PDE1C: variants seen among roughly 807,000 people sequenced by gnomAD.
The protein encoded by PDE1C is phosphodiesterase 1C, also known as dual specificity calcium/calmodulin-dependent 3',5'-cyclic nucleotide phosphodiesterase 1C.
PDE1C carries 62 observed loss-of-function variants against 93.1 expected under a neutral mutation model. The observed-to-expected ratio is 0.67, with a 90% confidence interval of 0.54 to 0.82. The LOEUF (loss-of-function observed/expected upper bound fraction) is 0.82, where lower values mean the gene tolerates loss of function less well. Among genes scored for constraint, PDE1C ranks in the 40% least tolerant of loss-of-function variants. The pLI is 0.00. For missense variants in PDE1C, 742 were observed against 884.6 expected (o/e 0.84, Z 2.04); for synonymous variants, 325 against 310.1 (o/e 1.05, Z -0.50).
chr7:32,007,121 C>A (rs560809597), intron 2 of PDE1C, among the ~76,000 whole-genome samples: 2 of 152,270 alleles, frequency 1.3e-5, no homozygotes, highest in South Asian at 4.1e-4. Flanking sequence ...CCATCAGCAA[C>A]CTATTTTTTA....
chr7:31,750,907 C>A (rs1562735042), downstream of PDE1C, among the ~76,000 whole-genome samples: 2 of 152,124 alleles, frequency 1.3e-5, no homozygotes, highest in African/African-American at 4.8e-5. Context: ...ATAGCTTGGT[C>A]TGGAATGATA....
At chr7:32,211,682 G>A (rs150566169) in intron 1 of PDE1C, among the ~76,000 whole-genome samples, 147 of 152,156 alleles carry the variant, frequency 9.7e-4, no homozygotes, top group African/African-American at 3.3e-3. Context: ...ATGGCCTTGA[G>A]TTCAACTTAT....
intron 1 of PDE1C, among the ~76,000 whole-genome samples, chr7:32,402,883 T>C (rs1156310774): frequency 6.6e-6 from 1 of 152,224 alleles, no homozygotes; most frequent in Non-Finnish European, 1.5e-5. Flanking sequence ...AAGTTCATTA[T>C]GTTGGGCCCT....
At chr7:32,175,592 A>G (rs1802931803) in intron 2 of PDE1C, among the ~76,000 whole-genome samples, 1 of 152,186 alleles carries the variant, frequency 6.6e-6, no homozygotes, top group African/African-American at 2.4e-5. Context: ...GCACTCAAGA[A>G]GCTTTGAAGA....
chr7:32,394,333 T>C (rs760955437), intron 1 of PDE1C, among the ~76,000 whole-genome samples: 5 of 152,218 alleles, frequency 3.3e-5, no homozygotes, highest in Admixed American at 1.3e-4. Context: ...ACTGCTGATA[T>C]GGTTTAGATA....
chr7:32,171,898 A>G lies in PDE1C; in HGVS notation c.137-1942T>C, dbSNP rs956674444. The stretch of plus-strand genomic sequence containing the variant: ...ATGACTAAATGTAATGTGGCATCCT[A>G]GATGGGATTGTGGAACAGATGTACC... On this transcript the variant is annotated intron_variant, in intron 2 of 18. Coordinates refer to the PDE1C transcript ENST00000396193. Among the ~76,000 whole-genome samples, 3 of 146,972 alleles carry G rather than the reference A, an allele frequency of 2.0e-5. No homozygotes were observed. In the Admixed American group the frequency reaches 2.1e-4, roughly 10 times the overall value.
chr7:32,129,187 T>G (rs1037728131), intron 3 of PDE1C, among the ~76,000 whole-genome samples: 1 of 151,120 alleles, frequency 6.6e-6, no homozygotes, highest in African/African-American at 2.4e-5. Context: ...TTTAATCTGT[T>G]GGTTGTACTA....
the PDE1C span, chr7:31,656,184 T>A: frequency 3.8e-6 from 1 of 260,604 alleles, no homozygotes; most frequent in African/African-American, 2.3e-5. Context: ...ATTATCTGTG[T>A]AGGTCATATC....
At chr7:32,058,280 G>A (rs1303897297) in intron 1 of PDE1C, among the ~76,000 whole-genome samples, 3 of 152,080 alleles carry the variant, frequency 2.0e-5, no homozygotes, top group Admixed American at 2.0e-4. Flanking sequence ...AGACCGCTTC[G>A]GAAAGCTTGG....
intron 2 of PDE1C, among the ~76,000 whole-genome samples, chr7:31,918,052 G>A (rs1414022247): frequency 6.6e-6 from 1 of 152,032 alleles, no homozygotes; most frequent in African/African-American, 2.4e-5. Context: ...ACAAGAGGTC[G>A]GGGTGATTAG....
the PDE1C span, among the ~76,000 whole-genome samples, chr7:31,661,070 A>G: frequency 6.7e-6 from 1 of 148,880 alleles, no homozygotes; most frequent in Non-Finnish European, 1.5e-5. Flanking sequence ...AGAAAAGGTA[A>G]TATCAATAAA....
chr7:32,088,399 C>A (rs1797255111), intron 3 of PDE1C, among the ~76,000 whole-genome samples: 1 of 152,202 alleles, frequency 6.6e-6, no homozygotes, highest in South Asian at 2.1e-4. Flanking sequence ...CACACCGAAT[C>A]CTTTTGTGCT....
At chr7:32,170,691 C>T (rs1802589405) in intron 2 of PDE1C, among the ~76,000 whole-genome samples, 2 of 152,160 alleles carry the variant, frequency 1.3e-5, no homozygotes, top group South Asian at 2.1e-4. Flanking sequence ...GTGCCCAACA[C>T]AGCTAGTTCT....
At chr7:32,016,373 T>C (rs1787909341) in intron 2 of PDE1C, among the ~76,000 whole-genome samples, 1 of 152,206 alleles carries the variant, frequency 6.6e-6, no homozygotes, top group Non-Finnish European at 1.5e-5. Context: ...CCTGAATCAG[T>C]ATCAGAGTAA....
intron 1 of PDE1C, among the ~76,000 whole-genome samples, chr7:32,281,470 AG>A: frequency 6.6e-6 from 1 of 152,302 alleles, no homozygotes; most frequent in South Asian, 2.1e-4. Flanking sequence ...CTGTAATCCC[AG>A]GGCTTTGAGA....
intron 8 of PDE1C, among the ~76,000 whole-genome samples, chr7:31,850,303 T>C (rs748011046): frequency 2.0e-5 from 3 of 152,200 alleles, no homozygotes; most frequent in Non-Finnish European, 4.4e-5. Context: ...TTTTCCTTTA[T>C]GTGTCATCTG....
intron 1 of PDE1C, among the ~76,000 whole-genome samples, chr7:32,307,720 G>C (rs1813046920): frequency 6.6e-6 from 1 of 152,136 alleles, no homozygotes; most frequent in African/African-American, 2.4e-5. Context: ...CTACCACTGT[G>C]ATGTAAATTT....
At chr7:32,405,927 T>C (rs1265735863) in intron 1 of PDE1C, among the ~76,000 whole-genome samples, 1 of 152,190 alleles carries the variant, frequency 6.6e-6, no homozygotes, top group Non-Finnish European at 1.5e-5. Flanking sequence ...ATCCATTAGA[T>C]GAACACCCAT....
chr7:32,312,455 C>T (rs1400963386), intron 1 of PDE1C, among the ~76,000 whole-genome samples: 1 of 152,158 alleles, frequency 6.6e-6, no homozygotes, highest in African/African-American at 2.4e-5. Context: ...CAAGTCAATC[C>T]TAAACCAAAA....
Sources: allele counts gnomAD v4.1 joint callset (sites outside exome capture counted in the v4.1 genomes callset), GRCh38; gene constraint gnomAD v4.1.1; transcripts MANE v1.5; gene names NCBI Gene and HGNC (gene_info 2026-07-23, HGNC 2026-07-21).